Variants in PAM observed in about 807,000 individuals in gnomAD.
PAM encodes peptidylglycine alpha-amidating monooxygenase.
Under a neutral mutation model 122.1 loss-of-function variants are expected in PAM, and 72 were observed. That is an observed-to-expected ratio of 0.59 (90% confidence interval 0.49 to 0.72). The LOEUF (loss-of-function observed/expected upper bound fraction) is 0.72, where lower values mean the gene tolerates loss of function less well. Ranked by LOEUF, PAM falls within the 30% of genes least tolerant of loss-of-function variation. The pLI is 0.00. For synonymous variants in PAM, 389 were observed against 404.4 expected, an observed-to-expected ratio of 0.96 and a Z score of 0.46; for missense variants, 1,106 against 1,183.7, an observed-to-expected ratio of 0.93 and a Z score of 0.96.
At chr5:102,755,095 A>AGGAGGCGAGCGCGGGGCTGGCCCG (rs1285451896), upstream of PAM, 2 of 152,444 alleles carry the variant, frequency 1.3e-5, no homozygotes, top group Non-Finnish European at 1.5e-5. Context: ...GCCGGCGTGG[A>AGGAGGCGAGCGCGGGGCTGGCCCG]GGAGGCGAGC....
chr5:103,007,192 T>TACACACACACACACACACAC (rs56140031), intron 19 of PAM, among the ~76,000 whole-genome samples, 181 bp downstream of exon 19: 1,430 of 141,484 alleles, frequency 0.01, 30 homozygotes, highest in Admixed American at 0.04. Flanking sequence ...CACATATACA[T>TACACACACACACACACACAC]ACACACACAC....
chr5:102,830,371 C>T (rs1775067946), intron 1 of PAM, among the ~76,000 whole-genome samples: 1 of 152,130 alleles, frequency 6.6e-6, no homozygotes. Context: ...CTTATTTCAC[C>T]ACTGTACTGA....
chr5:102,905,996 T>C (rs1799424076), intron 4 of PAM, among the ~76,000 whole-genome samples: 1 of 151,684 alleles, frequency 6.6e-6, no homozygotes, highest in Non-Finnish European at 1.5e-5. Flanking sequence ...CCCATTTTTC[T>C]TGGTCATAAT....
At chr5:102,973,470 T>A (rs1430880055) in intron 14 of PAM, among the ~76,000 whole-genome samples, 1 of 152,210 alleles carries the variant, frequency 6.6e-6, no homozygotes, top group Admixed American at 6.5e-5. Context: ...TTTATTAAAA[T>A]CTTTTCCTTT....
chr5:102,993,451 C>A (rs1774765647), intron 16 of PAM, among the ~76,000 whole-genome samples: 1 of 152,080 alleles, frequency 6.6e-6, no homozygotes, highest in Non-Finnish European at 1.5e-5. Context: ...ACATCGTATA[C>A]CCACTTAACT....
chr5:102,933,413 T>C (rs1752230976), intron 7 of PAM, among the ~76,000 whole-genome samples: 1 of 152,276 alleles, frequency 6.6e-6, no homozygotes, highest in Non-Finnish European at 1.5e-5. Flanking sequence ...CTGGACTTTG[T>C]GACCATCAGA....
At position 102,858,526 on chromosome 5, in the gene PAM, C is replaced by A. The variant is rs111342834; in HGVS notation, c.-373-7297C>A. On this transcript the variant is annotated intron_variant, in intron 1 of 25. Transcript: ENST00000438793. Reference sequence around the variant, plus strand: ...GAAGCTCTGCATTACAGCTATATAGCCACCATAACATTTAGTTTGTAATGT... The same window carrying A: ...GAAGCTCTGCATTACAGCTATATAGACACCATAACATTTAGTTTGTAATGT... 6.4e-3 allele frequency among the ~76,000 whole-genome samples: 974 copies of A among 152,242 alleles called. 6 individuals carry two copies. Among genetic ancestry groups the A allele is most frequent in the African/African-American group, 0.022 (919 of 41,544 alleles).
rs115219621 is a variant in PAM at position 102,927,556 on chromosome 5, G to A, written c.526+888G>A. ...TCTCCAGCAACTAAGTTTGGAAGTA[G>A]ATGTCCATCTCTGCCTATGAAATAC... On this transcript the variant is annotated intron_variant, in intron 7 of 25. Coordinates refer to ENST00000438793, the MANE Select transcript of PAM (RefSeq NM_001177306.2). 8.3e-3 allele frequency among the ~76,000 whole-genome samples: 1,265 copies of A among 152,160 alleles called. 11 individuals carry two copies. The highest frequency in any genetic ancestry group is 0.014 in the Middle Eastern group (4 of 292).
At position 102,814,176 on chromosome 5, in the gene PAM, A is replaced by G. The variant is rs150136601; in HGVS notation, c.-373-51647A>G. On this transcript the variant is annotated intron_variant, in intron 1 of 25. Transcript: ENST00000438793. ...CCCTTTAGTATTTATAAGCAAGGGAATGAGCTCACTAACGCAAAGATTTTA... is the reference window on the plus strand; with the variant it reads ...CCCTTTAGTATTTATAAGCAAGGGAGTGAGCTCACTAACGCAAAGATTTTA... Among the ~76,000 whole-genome samples, 1,107 of 152,298 alleles carry G rather than the reference A, an allele frequency of 7.3e-3. 3 individuals are homozygous for G. The highest frequency in any genetic ancestry group is 0.012 in the Non-Finnish European group (817 of 68,020).
intron 1 of PAM, among the ~76,000 whole-genome samples, chr5:102,800,650 A>G (rs564744387): frequency 6.6e-6 from 1 of 152,256 alleles, no homozygotes; most frequent in African/African-American, 2.4e-5. Flanking sequence ...TTCACAAATG[A>G]AGGTCAGGGA....
At chr5:103,015,571 C>A (rs1781735395) in intron 21 of PAM, among the ~76,000 whole-genome samples, 1 of 152,134 alleles carries the variant, frequency 6.6e-6, no homozygotes, top group Non-Finnish European at 1.5e-5. Context: ...TGACACAAAG[C>A]ACTAGAACAG....
chr5:102,766,714 A>G (rs998021601), intron 1 of PAM, among the ~76,000 whole-genome samples: 1 of 152,188 alleles, frequency 6.6e-6, no homozygotes, highest in Non-Finnish European at 1.5e-5. Flanking sequence ...TTAGAATTCA[A>G]CAATTCCTGT....
intron 1 of PAM, among the ~76,000 whole-genome samples, chr5:102,839,789 T>A (rs924507063): frequency 6.6e-6 from 1 of 151,872 alleles, no homozygotes; most frequent in African/African-American, 2.4e-5. Flanking sequence ...GAAAAAATTA[T>A]TTTTTAATGG....
At chr5:102,954,638 A>G (rs1394352272) in intron 12 of PAM, among the ~76,000 whole-genome samples, 1 of 152,042 alleles carries the variant, frequency 6.6e-6, no homozygotes, top group African/African-American at 2.4e-5. Context: ...AAGAAGCAAT[A>G]TTTTGTGCTT....
intron 1 of PAM, among the ~76,000 whole-genome samples, chr5:102,824,731 A>G (rs1374056793): frequency 6.6e-6 from 1 of 152,192 alleles, no homozygotes; most frequent in Non-Finnish European, 1.5e-5. Context: ...GCAATATCAA[A>G]TACAGGTGAC....
chr5:102,780,837 C>T (rs530965225), intron 1 of PAM, among the ~76,000 whole-genome samples: 19 of 123,386 alleles, frequency 1.5e-4, no homozygotes, highest in African/African-American at 4.9e-4. Context: ...CTTTCTTTCT[C>T]TGTCTTTCTC....
At chr5:102,762,066 T>C (rs924794739) in intron 1 of PAM, among the ~76,000 whole-genome samples, 1 of 152,242 alleles carries the variant, frequency 6.6e-6, no homozygotes. Context: ...GTTACTTTGT[T>C]AAATGTCTTT....
chr5:103,000,646 G>T (rs550190679), intron 16 of PAM, among the ~76,000 whole-genome samples: 1 of 152,286 alleles, frequency 6.6e-6, no homozygotes, highest in East Asian at 1.9e-4. Context: ...CAGCATGGCT[G>T]GAGGAGCCTC....
intron 23 of PAM, among the ~76,000 whole-genome samples, chr5:103,020,426 A>G (rs956853279): frequency 6.6e-6 from 1 of 152,186 alleles, no homozygotes; most frequent in African/African-American, 2.4e-5. Flanking sequence ...GGGGAAATTT[A>G]CATACATAAA....
Sources: allele counts gnomAD v4.1 joint callset (sites outside exome capture counted in the v4.1 genomes callset), GRCh38; gene constraint gnomAD v4.1.1; transcripts MANE v1.5; gene names NCBI Gene and HGNC (gene_info 2026-07-23, HGNC 2026-07-21).